Variants in BRWD3 observed in about 807,000 individuals in gnomAD.
BRWD3 encodes bromodomain and WD repeat-containing protein 3.
A neutral mutation model predicts 149.7 loss-of-function variants in BRWD3; 10 were observed. The ratio of observed to expected loss-of-function variants is 0.07; its 90% CI spans 0.04 to 0.11. The LOEUF (loss-of-function observed/expected upper bound fraction) is 0.11, where lower values mean the gene tolerates loss of function less well. Ranked by LOEUF, BRWD3 falls within the 10% of genes least tolerant of loss-of-function variation. The probability of loss-of-function intolerance (pLI) is 1.00; values close to 1 mark genes in which losing one functional copy is unlikely to be tolerated. For synonymous variants in BRWD3, 504 were observed against 456.7 expected, an observed-to-expected ratio of 1.10 and a Z score of -1.32; for missense variants, 940 against 1,373.2, an observed-to-expected ratio of 0.68 and a Z score of 4.99.
At chrX:80,769,482 C>A (rs1488062958) in intron 6 of BRWD3, among the ~76,000 whole-genome samples, 1 of 111,659 alleles carries the variant, frequency 9.0e-6, no homozygotes, top group African/African-American at 3.3e-5. Flanking sequence ...CAACCTGCTG[C>A]TCAATGACTA....
At chrX:80,713,020 G>A (rs1177915126) in intron 20 of BRWD3, among the ~76,000 whole-genome samples, 15 of 108,876 alleles carry the variant, frequency 1.4e-4, no homozygotes, top group African/African-American at 5.1e-4. Flanking sequence ...AGGGAGGTGG[G>A]GGGGCCAGCC....
At position 80,669,707 on chromosome X, in the gene BRWD3, C is replaced by T. The variant is rs188498975; in HGVS notation, c.*6902G>A. Among the ~76,000 whole-genome samples the T allele has an allele frequency of 6.8e-3, 754 of 111,346 alleles. 6 individuals are homozygous for T. Among genetic ancestry groups the T allele is most frequent in the African/African-American group, 0.022 (688 of 30,712 alleles). On this transcript the variant is annotated 3_prime_UTR_variant, in exon 41 of 41. Transcript: ENST00000373275. ...ATACAAAATTGCCAATACAAATTAACATGTTGTTATACAAATTCTAACTAG... is the reference window on the plus strand; with the variant it reads ...ATACAAAATTGCCAATACAAATTAATATGTTGTTATACAAATTCTAACTAG...
chrX:80,806,751 A>G (rs147907793), intron 4 of BRWD3, among the ~76,000 whole-genome samples: 5,576 of 112,512 alleles, frequency 0.05, 120 homozygotes, highest in Non-Finnish European at 0.07. Context: ...TAAAATAATG[A>G]TGACTATTCA....
intron 13 of BRWD3, among the ~76,000 whole-genome samples, chrX:80,729,595 C>A (rs750758596): frequency 6.3e-5 from 7 of 111,327 alleles, no homozygotes; most frequent in South Asian, 3.7e-4. Flanking sequence ...GGACAACTCT[C>A]AAGGTAGAAA....
Position 80,687,711 on chromosome X carries a change from G to A in BRWD3, c.3864+358C>T, listed in dbSNP as rs1260851610. Among the ~76,000 whole-genome samples, 7 of 110,359 alleles carry A rather than the reference G, an allele frequency of 6.3e-5. 1 individual carries two copies. The highest frequency in any genetic ancestry group is 8.5e-3 in the Middle Eastern group (2 of 236). The stretch of plus-strand genomic sequence containing the variant: ...TTCTGGGAATCTGGAATCTTAGTAC[G>A]TGCTAGTCAGAGGGTACCTACATAA... On this transcript the variant is annotated intron_variant, in intron 34 of 40. Coordinates refer to ENST00000373275, the MANE Select transcript of BRWD3 (RefSeq NM_153252.5).
chrX:80,682,649 T>C lies in BRWD3; in HGVS notation c.4234-21A>G, dbSNP rs973684398. ...TAGATCTGAGAAGGCAGAAATTATA[T>C]AGTCTTAACTAGTTTTATATTTTAA... On this transcript the variant is annotated intron_variant, in intron 37 of 40. Coordinates refer to ENST00000373275, the MANE Select transcript of BRWD3 (RefSeq NM_153252.5). The C allele has an allele frequency of 6.7e-6, 8 of 1,185,530 alleles. No individual in the cohort carries two copies. In the African/African-American group the frequency reaches 7.0e-5, roughly 10 times the overall value.
chrX:80,704,669 G>C lies in BRWD3; in HGVS notation c.2721+9C>G. ...TAACAAAAACAAAATAACTTATAAA[G>C]TTACAAACCTTCTTTCTAGTCTGCT... On this transcript the variant is annotated intron_variant, in intron 23 of 40. Coordinates refer to ENST00000373275, the MANE Select transcript of BRWD3 (RefSeq NM_153252.5). 8.3e-7 allele frequency: 1 copy of C among 1,206,696 alleles called. No individual in the cohort carries two copies. The highest frequency in any genetic ancestry group is 1.1e-6 in the Non-Finnish European group (1 of 892,606).
chrX:80,682,757 A>C (rs1387558118), intron 37 of BRWD3, 129 bp from the exon 38 acceptor site: 4 of 624,105 alleles, frequency 6.4e-6, no homozygotes, highest in Non-Finnish European at 9.5e-6. Context: ...ATTCTTCTCA[A>C]ATAACTAAAG....
intron 6 of BRWD3, among the ~76,000 whole-genome samples, chrX:80,752,906 C>T (rs745555544): frequency 2.1e-4 from 24 of 112,036 alleles, no homozygotes; most frequent in Non-Finnish European, 4.1e-4. Flanking sequence ...CTCAGGTGAT[C>T]CACCAGCCTC....
chrX:80,703,487 C>G lies in BRWD3; in HGVS notation c.2828G>C (p.Gly943Ala). The part of the protein sequence containing the change: ...PRRSPFVPQM[G>A]DELIYFRQGH... The stretch of plus-strand genomic sequence containing the variant: ...ATAACAGGTAATAATTACCTCATCT[C>G]CCATTTGTGGGACAAATGGGGAACG... The change falls in exon 24 of 41, where the codon GGA becomes GCA. Residue 943 changes from glycine (G) to alanine (A), a missense_variant. By Grantham distance (60) the Gly-to-Ala change is moderately conservative. Coordinates refer to ENST00000373275, the MANE Select transcript of BRWD3 (RefSeq NM_153252.5). 1 of 1,195,434 alleles carries G rather than the reference C, an allele frequency of 8.4e-7. No individual in the cohort carries two copies. The highest frequency in any genetic ancestry group is 1.1e-6 in the Non-Finnish European group (1 of 883,581).
intron 8 of BRWD3, among the ~76,000 whole-genome samples, chrX:80,742,051 A>T (rs1272974834): frequency 5.4e-5 from 6 of 111,632 alleles, no homozygotes; most frequent in Non-Finnish European, 1.1e-4. Flanking sequence ...CAGGTCTAAC[A>T]TTTAAGTCTT....
At chrX:80,715,935 T>C (rs2073068536) in intron 20 of BRWD3, among the ~76,000 whole-genome samples, 1 of 111,929 alleles carries the variant, frequency 8.9e-6, no homozygotes. Flanking sequence ...ATCTTACACC[T>C]ACAATGACCA....
chrX:80,743,005 C>T (rs1467311311), intron 8 of BRWD3, among the ~76,000 whole-genome samples: 3 of 111,623 alleles, frequency 2.7e-5, no homozygotes, highest in Non-Finnish European at 5.6e-5. Context: ...CAGTTTTTGT[C>T]CATTCAGTGT....
At chrX:80,788,310 T>C (rs774186344) in intron 6 of BRWD3, among the ~76,000 whole-genome samples, 1 of 109,404 alleles carries the variant, frequency 9.1e-6, no homozygotes, top group African/African-American at 3.3e-5. Flanking sequence ...CAACTGCACA[T>C]TGAGAGAAAA....
chrX:80,707,104 C>A (rs2072877060), intron 22 of BRWD3, among the ~76,000 whole-genome samples: 1 of 112,479 alleles, frequency 8.9e-6, no homozygotes, highest in African/African-American at 3.2e-5. Context: ...AGGAATTTTT[C>A]AGCTTCATTA....
intron 11 of BRWD3, 77 bp downstream of exon 11, chrX:80,734,041 T>A: frequency 1.3e-6 from 1 of 743,807 alleles, no homozygotes; most frequent in African/African-American, 2.1e-5. Flanking sequence ...GTTACTATGG[T>A]ACAGATCAGA....
In BRWD3 at chrX:80,696,867, T is replaced by G. The variant is rs1238949336; in HGVS notation, c.2944-4A>C. 1.7e-6 allele frequency: 2 copies of G among 1,181,428 alleles called. No homozygotes were observed. Among genetic ancestry groups the G allele is most frequent in the Non-Finnish European group, 2.3e-6 (2 of 869,032 alleles). ...CAATCTTAACAAACTCTTGCTCCTA[T>G]TCATGAGAATACCAATAAATTATTA... On this transcript the variant is annotated splice_region_variant and splice_polypyrimidine_tract_variant and intron_variant, in intron 25 of 40. Coordinates refer to ENST00000373275, the MANE Select transcript of BRWD3 (RefSeq NM_153252.5).
At chrX:80,702,160 A>G (rs1035897522) in intron 24 of BRWD3, among the ~76,000 whole-genome samples, 3 of 112,541 alleles carry the variant, frequency 2.7e-5, no homozygotes, top group African/African-American at 9.7e-5. Flanking sequence ...TCAATTATAT[A>G]AAAAGTGTAT....
intron 14 of BRWD3, among the ~76,000 whole-genome samples, chrX:80,726,429 G>A (rs1202782518): frequency 9.1e-6 from 1 of 109,928 alleles, no homozygotes; most frequent in Admixed American, 9.7e-5. Flanking sequence ...GCCTCATAAA[G>A]GAAAAGTTTA....
Sources: allele counts gnomAD v4.1 joint callset (sites outside exome capture counted in the v4.1 genomes callset), GRCh38; gene constraint gnomAD v4.1.1; transcripts MANE v1.5; gene names NCBI Gene and HGNC (gene_info 2026-07-23, HGNC 2026-07-21).